The following UBXN2A variants were observed in gnomAD, a reference collection of about 807,000 sequenced individuals.
UBXN2A encodes the protein UBX domain protein 2A, also known as UBX domain-containing protein 2A.
UBXN2A carries 28 observed loss-of-function variants against 28.4 expected under a neutral mutation model. That is an observed-to-expected ratio of 0.99 (90% CI 0.73 to 1.35). UBXN2A has a LOEUF of 1.35. UBXN2A is among the 40% of genes most tolerant of loss of function. UBXN2A has a pLI of 0.00. For missense variants in UBXN2A, 253 were observed against 297.9 expected (o/e 0.85, Z 1.11); for synonymous variants, 97 against 103.6 (o/e 0.94, Z 0.39).
At chr2:23,943,827 G>T (rs1008270545) in intron 1 of UBXN2A, 2 of 336,092 alleles carry the variant, frequency 6.0e-6, no homozygotes, top group Non-Finnish European at 5.9e-6. Flanking sequence ...TTGCATTTCC[G>T]TCCAGACCAG....
At chr2:23,951,935 G>A (rs886655980) in intron 1 of UBXN2A, among the ~76,000 whole-genome samples, 1 of 151,066 alleles carries the variant, frequency 6.6e-6, no homozygotes, top group Non-Finnish European at 1.5e-5. Context: ...ACGTTAATGG[G>A]CATAGAGTTA....
intron 6 of UBXN2A, among the ~76,000 whole-genome samples, chr2:23,993,620 T>A (rs1333055728): frequency 6.6e-6 from 1 of 152,110 alleles, no homozygotes; most frequent in Admixed American, 6.6e-5. Context: ...ACTTTTTCTG[T>A]TTTTTACCCA....
intron 2 of UBXN2A, among the ~76,000 whole-genome samples, chr2:23,960,826 G>T (rs1191084497): frequency 6.6e-6 from 1 of 151,986 alleles, no homozygotes; most frequent in African/African-American, 2.4e-5. Flanking sequence ...GTGCAGATGG[G>T]GTTTCACCAT....
intron 1 of UBXN2A, among the ~76,000 whole-genome samples, chr2:23,953,005 AT>A (rs1558284560): frequency 6.7e-6 from 1 of 149,998 alleles, no homozygotes; most frequent in East Asian, 1.9e-4. Context: ...TATTGTGGTC[AT>A]AATACATCTT....
At chr2:23,934,324 TACC>T (rs144398391) in intron 1 of UBXN2A, among the ~76,000 whole-genome samples, 131 of 152,380 alleles carry the variant, frequency 8.6e-4, no homozygotes, top group African/African-American at 3.0e-3. Context: ...TCAGTCACAC[TACC>T]ACATTTCAAA....
chr2:23,953,440 A>G (rs761858776), intron 1 of UBXN2A, among the ~76,000 whole-genome samples: 14 of 152,182 alleles, frequency 9.2e-5, no homozygotes, highest in African/African-American at 2.2e-4. Flanking sequence ...TCATCAGTCA[A>G]TATTTCAGTA....
At chr2:23,944,870 G>A (rs1705977155) in intron 1 of UBXN2A, among the ~76,000 whole-genome samples, 2 of 152,154 alleles carry the variant, frequency 1.3e-5, no homozygotes, top group Non-Finnish European at 2.9e-5. Flanking sequence ...GTCTGTCCCA[G>A]CTAGAGAGAG....
chr2:23,955,805 C>T (rs931561983), intron 1 of UBXN2A, among the ~76,000 whole-genome samples: 7 of 152,126 alleles, frequency 4.6e-5, no homozygotes, highest in East Asian at 3.8e-4. Flanking sequence ...ATATGCAGTC[C>T]GTCATTGACC....
intron 1 of UBXN2A, among the ~76,000 whole-genome samples, chr2:23,942,165 G>A (rs1180018508): frequency 6.6e-6 from 1 of 152,162 alleles, no homozygotes; most frequent in African/African-American, 2.4e-5. Flanking sequence ...AGTTGTTTGT[G>A]AGAGAAGGTA....
At chr2:23,989,582 C>A (rs973666330) in intron 6 of UBXN2A, among the ~76,000 whole-genome samples, 1 of 151,154 alleles carries the variant, frequency 6.6e-6, no homozygotes, top group Non-Finnish European at 1.5e-5. Flanking sequence ...TATCAAAAAC[C>A]GTGAATCCAC....
At chr2:23,980,862 C>G (rs1243195070) in intron 4 of UBXN2A, among the ~76,000 whole-genome samples, 1 of 152,066 alleles carries the variant, frequency 6.6e-6, no homozygotes, top group African/African-American at 2.4e-5. Context: ...CCTGATCTCA[C>G]GTGATTCACC....
At chr2:23,994,407 G>A (rs2150918049) in intron 6 of UBXN2A, among the ~76,000 whole-genome samples, 1 of 152,176 alleles carries the variant, frequency 6.6e-6, no homozygotes, top group Middle Eastern at 3.4e-3. Context: ...ATTCTCTTTT[G>A]TCTTTGGCAT....
intron 6 of UBXN2A, among the ~76,000 whole-genome samples, chr2:23,989,632 G>T (rs1171336178): frequency 6.6e-6 from 1 of 151,986 alleles, no homozygotes; most frequent in African/African-American, 2.4e-5. Flanking sequence ...GCCAGGCGTG[G>T]TGGCTCATAC....
intron 1 of UBXN2A, among the ~76,000 whole-genome samples, chr2:23,932,764 T>TA (rs1473728446): frequency 6.6e-6 from 1 of 152,100 alleles, no homozygotes; most frequent in Non-Finnish European, 1.5e-5. Flanking sequence ...AGCACAAAAA[T>TA]AAAGTCCCAT....
intron 1 of UBXN2A, among the ~76,000 whole-genome samples, chr2:23,951,538 A>G (rs1165729171): frequency 1.3e-5 from 2 of 150,032 alleles, no homozygotes; most frequent in Non-Finnish European, 3.0e-5. Flanking sequence ...TTGGCTCACC[A>G]GAACCTCTGC....
intron 2 of UBXN2A, among the ~76,000 whole-genome samples, chr2:23,961,539 CTTTTTTTTTT>C (rs71395167): frequency 2.0e-5 from 1 of 51,272 alleles, no homozygotes; most frequent in Non-Finnish European, 3.4e-5. Context: ...AGAAAACTGC[CTTTTTTTTTT>C]TTTTTTTTTT....
chr2:23,962,584 T>TG (rs1706976264), intron 2 of UBXN2A, among the ~76,000 whole-genome samples: 1 of 150,140 alleles, frequency 6.7e-6, no homozygotes, highest in Non-Finnish European at 1.5e-5. Flanking sequence ...AAGTAAGAGG[T>TG]TTTTTTTTCC....
In UBXN2A at chr2:23,958,702, G is replaced by A. The variant is rs114990147; in HGVS notation, c.41+347G>A. ...ATGGCTTTGGAGTCAGATAAACCTA[G>A]GCTTGAATCCCGTCTCTGCCTTCTA... On this transcript the variant is annotated intron_variant, in intron 2 of 6. Transcript: ENST00000309033. Among the ~76,000 whole-genome samples, 552 of 152,234 alleles carry A rather than the reference G, an allele frequency of 3.6e-3. 7 individuals carry two copies. Among genetic ancestry groups the A allele is most frequent in the African/African-American group, 0.012 (518 of 41,542 alleles).
At chr2:23,999,419 A>G (rs945796347) in intron 6 of UBXN2A, among the ~76,000 whole-genome samples, 1 of 152,170 alleles carries the variant, frequency 6.6e-6, no homozygotes, top group Non-Finnish European at 1.5e-5. Flanking sequence ...CAGTTATTCT[A>G]TATATTAACA....
Sources: gnomAD v4.1 joint callset for allele counts (sites outside exome capture counted in the v4.1 genomes callset) on GRCh38, gnomAD v4.1.1 for gene constraint, MANE v1.5 for transcripts, NCBI Gene and HGNC (gene_info 2026-07-23, HGNC 2026-07-21) for gene names.